The following ABCA13 variants were observed in gnomAD, a reference collection of about 807,000 sequenced individuals.
The protein encoded by ABCA13 is ATP-binding cassette sub-family A member 13.
ABCA13 carries 476 observed loss-of-function variants against 478.7 expected under a neutral mutation model. That is an observed-to-expected ratio of 0.99 (90% CI 0.92 to 1.07). The LOEUF is 1.07. ABCA13 is among the 50% of genes least tolerant of loss of function. The probability of loss-of-function intolerance (pLI) is 0.00; values close to 1 mark genes in which losing one functional copy is unlikely to be tolerated. For synonymous variants in ABCA13, 2,252 were observed against 2,158.9 expected (o/e 1.04, Z -1.20); for missense variants, 6,060 against 5,910.6 (o/e 1.03, Z -0.83).
At chr7:48,626,954 A>G (rs528105124) in intron 59 of ABCA13, 1 of 985,428 alleles carries the variant, frequency 1.0e-6, no homozygotes, top group Non-Finnish European at 1.2e-6. Flanking sequence ...ATTATTGCGT[A>G]TGGTTGAGAC....
At chr7:48,204,525 A>C (rs1448545631) in intron 3 of ABCA13, among the ~76,000 whole-genome samples, 1 of 152,070 alleles carries the variant, frequency 6.6e-6, no homozygotes. Flanking sequence ...CTTGTTTCTT[A>C]AATGGCTTTC....
intron 3 of ABCA13, among the ~76,000 whole-genome samples, chr7:48,218,278 C>A (rs2128960071): frequency 6.6e-6 from 1 of 152,326 alleles, no homozygotes; most frequent in East Asian, 1.9e-4. Context: ...AATCATGGTT[C>A]ATAGCTTTCA....
chr7:48,313,789 A>G (rs990156122), intron 25 of ABCA13, among the ~76,000 whole-genome samples: 12 of 152,322 alleles, frequency 7.9e-5, no homozygotes, highest in African/African-American at 1.9e-4. Flanking sequence ...CAAGATAACA[A>G]TGTTCTCAGA....
At chr7:48,542,588 A>G (rs1486697286) in intron 55 of ABCA13, among the ~76,000 whole-genome samples, 2 of 151,754 alleles carry the variant, frequency 1.3e-5, no homozygotes, top group Non-Finnish European at 2.9e-5. Context: ...ATTACAATAG[A>G]AAAAAACACA....
intron 20 of ABCA13, among the ~76,000 whole-genome samples, chr7:48,292,663 G>C (rs1467120594): frequency 1.5e-4 from 23 of 152,158 alleles, no homozygotes; most frequent in Admixed American, 1.5e-3. Flanking sequence ...TGCACTTGCT[G>C]CTCCCGCACC....
At chr7:48,438,019 G>A (rs1823073826) in intron 42 of ABCA13, among the ~76,000 whole-genome samples, 1 of 152,030 alleles carries the variant, frequency 6.6e-6, no homozygotes, top group South Asian at 2.1e-4. Flanking sequence ...TCCTCCTTTA[G>A]TTTTCATGTG....
rs1828279392 is a variant in ABCA13, at chr7:48,477,694, A to G, written c.12976-3342A>G. Among the ~76,000 whole-genome samples the G allele has an allele frequency of 2.1e-5, 3 of 142,368 alleles. 1 individual carries two copies. The highest frequency in any genetic ancestry group is 3.0e-5 in the Non-Finnish European group (2 of 66,206). The allele number at this position is 142,368 out of a possible 152,430, so 93.4% of individuals were successfully genotyped here. On this transcript the variant is annotated intron_variant, in intron 45 of 61. Coordinates refer to ENST00000435803, the MANE Select transcript of ABCA13 (RefSeq NM_152701.5). ...TCATAGGTGGGAATTGAACAATGAG[A>G]ACACATGGACACAGGAAGGGGAACA...
At chr7:48,184,925 C>A (rs774695090) in intron 1 of ABCA13, among the ~76,000 whole-genome samples, 6 of 152,104 alleles carry the variant, frequency 3.9e-5, no homozygotes, top group Admixed American at 1.3e-4. Context: ...AGCCTCAACC[C>A]CTTGGGCTCA....
At position 48,281,528 on chromosome 7, in the gene ABCA13, T is replaced by A. The variant is rs1411074668; in HGVS notation, c.8836+76T>A. 3.2e-6 allele frequency: 4 copies of A among 1,262,074 alleles called. No individual in the cohort carries two copies. The East Asian group carries it at 1.0e-4, about 32-fold the overall frequency. 78.2% of individuals were successfully genotyped at this position (1,262,074 alleles called of 1,614,324 possible). On this transcript the variant is annotated intron_variant, in intron 19 of 61. Transcript: ENST00000435803. ...AGAACTCAGGTGTCAGAGAGATGAG[T>A]ATATTGCACTTGAGTTTCTTTTAGA...
intron 59 of ABCA13, among the ~76,000 whole-genome samples, chr7:48,618,491 G>A (rs568648062): frequency 3.3e-5 from 5 of 152,264 alleles, no homozygotes; most frequent in South Asian, 2.1e-4. Context: ...ATCAGGAAAC[G>A]ACTGCCTTTG....
chr7:48,289,400 C>T (rs976114733), intron 20 of ABCA13, among the ~76,000 whole-genome samples: 26 of 149,102 alleles, frequency 1.7e-4, no homozygotes, highest in Middle Eastern at 3.2e-3. Flanking sequence ...GCACTGTTGC[C>T]TGGGCTGGAG....
At chr7:48,405,927 A>T (rs189099052) in intron 39 of ABCA13, among the ~76,000 whole-genome samples, 31 of 152,340 alleles carry the variant, frequency 2.0e-4, no homozygotes, top group Admixed American at 1.9e-3. Context: ...TATGTAAGCG[A>T]TTAGATAGGC....
chr7:48,334,901 T>A (rs2128942220), intron 27 of ABCA13, among the ~76,000 whole-genome samples: 1 of 152,350 alleles, frequency 6.6e-6, no homozygotes, highest in South Asian at 2.1e-4. Flanking sequence ...TAGAGTCCTT[T>A]TATCTTGAGA....
In ABCA13 at chr7:48,528,319, A is replaced by T; in HGVS notation, c.14328A>T (p.Gly4776=). Residue 4776 remains glycine (G), a synonymous_variant, in exon 55 of 62, where the codon GGA becomes GGT. Transcript: ENST00000435803. ...MLNGEVSLTS[G]HAIIRTPMGD... is the part of the protein sequence containing the mutation. ...ATGGTGAAGTTTCTCTAACTTCAGG[A>T]CATGCTATCATCAGGACTCCCATGG... 1 of 1,568,370 alleles carries T rather than the reference A, an allele frequency of 6.4e-7. No homozygotes were observed. The highest frequency in any genetic ancestry group is 8.7e-7 in the Non-Finnish European group (1 of 1,155,472).
chr7:48,298,336 C>G lies in ABCA13; in HGVS notation c.9200-30C>G. On this transcript the variant is annotated intron_variant, in intron 22 of 61. Transcript: ENST00000435803. ...TCAGTAATGATCTAAACCTTTATTA[C>G]ACAAATTTCTTATTTTCCTTACTTT... 3 of 1,582,882 alleles carry G rather than the reference C, an allele frequency of 1.9e-6. No individual in the cohort carries two copies. In the South Asian group the frequency reaches 3.5e-5, roughly 18 times the overall value.
intron 15 of ABCA13, among the ~76,000 whole-genome samples, chr7:48,252,091 C>T (rs1051142760): frequency 3.3e-5 from 5 of 152,016 alleles, no homozygotes; most frequent in African/African-American, 7.2e-5. Context: ...TGTTTTCAGC[C>T]GTTAATTCTT....
chr7:48,485,308 A>G (rs1331403678), intron 47 of ABCA13, among the ~76,000 whole-genome samples: 1 of 152,040 alleles, frequency 6.6e-6, no homozygotes, highest in Non-Finnish European at 1.5e-5. Context: ...TTGAGGTGTC[A>G]TAGTATGTTC....
intron 45 of ABCA13, among the ~76,000 whole-genome samples, chr7:48,472,384 A>G (rs1448532713): frequency 6.6e-6 from 1 of 152,322 alleles, no homozygotes; most frequent in East Asian, 1.9e-4. Flanking sequence ...AGACAAATTA[A>G]TATAGGTAGA....
intron 31 of ABCA13, among the ~76,000 whole-genome samples, chr7:48,367,068 G>A (rs569283519): frequency 6.6e-6 from 1 of 152,224 alleles, no homozygotes; most frequent in East Asian, 1.9e-4. Context: ...TATGTGGTGA[G>A]AAGACAGAGG....
Sources: allele counts gnomAD v4.1 joint callset (sites outside exome capture counted in the v4.1 genomes callset), GRCh38; gene constraint gnomAD v4.1.1; transcripts MANE v1.5; gene names NCBI Gene and HGNC (gene_info 2026-07-23, HGNC 2026-07-21).